The following RAD51B variants were observed in gnomAD, a reference collection of about 807,000 sequenced individuals.
RAD51B encodes RAD51 paralog B, also known as DNA repair protein RAD51 homolog 2.
In RAD51B, 38 loss-of-function variants were observed where a neutral mutation model predicts 42.2. The observed-to-expected ratio is 0.90, with a 90% CI of 0.70 to 1.18. The LOEUF (loss-of-function observed/expected upper bound fraction) is 1.18. Ranked by LOEUF, RAD51B falls within the 50% of genes most tolerant of loss-of-function variation. The probability of loss-of-function intolerance (pLI) is 0.00; values close to 1 mark genes in which losing one functional copy is unlikely to be tolerated. For missense variants in RAD51B, 373 were observed against 400.7 expected, an observed-to-expected ratio of 0.93 and a Z score of 0.59; for synonymous variants, 154 against 145.2, an observed-to-expected ratio of 1.06 and a Z score of -0.43.
rs953600354 is a variant in RAD51B at position 68,493,025 on chromosome 14, G to A, written c.1036+24775G>A. ...AGAGAATGTACATTAGCATCCCTCC[G>A]AGCTTCCCTGAAGCAGAGCTGTCTC... On this transcript the variant is annotated intron_variant, in intron 10 of 10. Coordinates refer to the RAD51B transcript ENST00000487270. Among the ~76,000 whole-genome samples, 7 of 152,132 alleles carry A rather than the reference G, an allele frequency of 4.6e-5. No individual in the cohort carries two copies. In the South Asian group the frequency reaches 8.3e-4, roughly 18 times the overall value.
Position 68,426,099 on chromosome 14 carries a change from A to G in RAD51B, c.957+14572A>G, listed in dbSNP as rs2084842664. Among the ~76,000 whole-genome samples, 4 of 132,984 alleles carry G rather than the reference A, an allele frequency of 3.0e-5. No homozygotes were observed. In the Admixed American group the frequency reaches 3.3e-4, roughly 11 times the overall value. The allele number at this position is 132,984 out of a possible 152,430, so 87.2% of individuals were successfully genotyped here. On this transcript the variant is annotated intron_variant, in intron 9 of 10. Coordinates refer to ENST00000471583, the MANE Select transcript of RAD51B (RefSeq NM_133510.4). Reference sequence around the variant, plus strand: ...TTTTTTGTTTTTGAGATGGAGTTTCACTCTTGTTGCCTGGGCTGGAGTGCA... The same window carrying G: ...TTTTTTGTTTTTGAGATGGAGTTTCGCTCTTGTTGCCTGGGCTGGAGTGCA...
At chr14:68,234,002 G>A (rs2080197264) in intron 7 of RAD51B, among the ~76,000 whole-genome samples, 1 of 152,138 alleles carries the variant, frequency 6.6e-6, no homozygotes, top group African/African-American at 2.4e-5. Context: ...AGAGAATTCT[G>A]ATGATAGTGT....
At chr14:68,346,578 G>A (rs1434566045) in intron 8 of RAD51B, among the ~76,000 whole-genome samples, 3 of 152,176 alleles carry the variant, frequency 2.0e-5, no homozygotes, top group Non-Finnish European at 4.4e-5. Context: ...TCCAGCAGTC[G>A]CACTCTGTAG....
chr14:68,342,060 T>C (rs1172216944), intron 8 of RAD51B, among the ~76,000 whole-genome samples: 1 of 152,240 alleles, frequency 6.6e-6, no homozygotes, highest in East Asian at 1.9e-4. Flanking sequence ...TAATTAGTAC[T>C]TCCTGTTTGC....
At chr14:67,848,601 A>G in intron 4 of RAD51B, among the ~76,000 whole-genome samples, 1 of 152,102 alleles carries the variant, frequency 6.6e-6, no homozygotes, top group East Asian at 1.9e-4. Context: ...TAGTAATGAC[A>G]TATGAGACTT....
At chr14:68,528,275 C>T (rs973756066) in intron 10 of RAD51B, among the ~76,000 whole-genome samples, 1 of 152,148 alleles carries the variant, frequency 6.6e-6, no homozygotes, top group South Asian at 2.1e-4. Flanking sequence ...CTTTCTTTGC[C>T]TTTTGCTGCC....
chr14:68,395,773 T>A (rs1186558630), intron 8 of RAD51B, among the ~76,000 whole-genome samples: 1 of 152,182 alleles, frequency 6.6e-6, no homozygotes, highest in Non-Finnish European at 1.5e-5. Context: ...GGGCTGGACA[T>A]CAAGGGGTGT....
chr14:68,352,796 T>C (rs2082816877), intron 8 of RAD51B, among the ~76,000 whole-genome samples: 1 of 152,218 alleles, frequency 6.6e-6, no homozygotes, highest in Non-Finnish European at 1.5e-5. Context: ...TTCTTCTAAG[T>C]CTGTGCTTGA....
intron 7 of RAD51B, among the ~76,000 whole-genome samples, chr14:68,146,466 C>T (rs575191433): frequency 2.0e-5 from 3 of 151,938 alleles, no homozygotes; most frequent in South Asian, 2.1e-4. Context: ...TTAGAATCGT[C>T]GCAGGAGGTG....
intron 8 of RAD51B, among the ~76,000 whole-genome samples, chr14:68,323,580 C>T (rs10083393): frequency 0.68 from 102,922 of 152,006 alleles, 35,103 homozygotes; most frequent in Non-Finnish European, 0.73. Flanking sequence ...TCACTTGAGG[C>T]CAGGAGTTCA....
chr14:68,131,811 T>C (rs1216513947), intron 7 of RAD51B, among the ~76,000 whole-genome samples: 3 of 152,220 alleles, frequency 2.0e-5, no homozygotes, highest in African/African-American at 7.2e-5. Context: ...AATGTTCATT[T>C]AGGAGGGAAC....
chr14:68,655,113 C>T (rs1295507750), intron 11 of RAD51B, among the ~76,000 whole-genome samples: 3 of 148,972 alleles, frequency 2.0e-5, no homozygotes, highest in African/African-American at 7.4e-5. Context: ...GTGGGTTGTG[C>T]CAGGAGGCAA....
intron 7 of RAD51B, among the ~76,000 whole-genome samples, chr14:68,284,107 T>G (rs2081372175): frequency 1.3e-5 from 2 of 152,196 alleles, no homozygotes; most frequent in South Asian, 4.1e-4. Context: ...GGCAGAGTGT[T>G]TCTCTAGCTT....
chr14:68,154,124 G>A (rs2078449480), intron 7 of RAD51B, among the ~76,000 whole-genome samples: 1 of 152,222 alleles, frequency 6.6e-6, no homozygotes, highest in African/African-American at 2.4e-5. Context: ...TGTTTTGCAT[G>A]CCTGGTTATC....
chr14:68,373,674 G>A (rs2083306162), intron 8 of RAD51B, among the ~76,000 whole-genome samples: 1 of 152,154 alleles, frequency 6.6e-6, no homozygotes, highest in East Asian at 1.9e-4. Flanking sequence ...TTCATGCAGG[G>A]CTTAAAACCT....
rs35190015 is a variant in RAD51B at position 67,884,813 on chromosome 14, C to T, written c.453-1056C>T. The stretch of plus-strand genomic sequence containing the variant: ...TTTCTTTTCAAATTGTTCAAAAATA[C>T]ACTTAAAAACAGTTGTTGAAGTTCT... On this transcript the variant is annotated intron_variant, in intron 5 of 10. Coordinates refer to ENST00000471583, the MANE Select transcript of RAD51B (RefSeq NM_133510.4). 8.9e-3 allele frequency among the ~76,000 whole-genome samples: 1,357 copies of T among 152,206 alleles called. 20 individuals carry two copies. The highest frequency in any genetic ancestry group is 0.031 in the African/African-American group (1,278 of 41,522).
intron 11 of RAD51B, chr14:68,682,847 ATTTATTGCCTTTGAGTATCTCACAAGGC>A: frequency 2.6e-6 from 2 of 767,340 alleles, no homozygotes; most frequent in Non-Finnish European, 3.1e-6. Flanking sequence ...TCTCTGAAGG[ATTTATTGCCTTTGAGTATCTCACAAGGC>A]TTTTTTTTTT....
At chr14:68,042,708 C>T (rs1281796094) in intron 7 of RAD51B, among the ~76,000 whole-genome samples, 1 of 152,114 alleles carries the variant, frequency 6.6e-6, no homozygotes, top group Non-Finnish European at 1.5e-5. Flanking sequence ...ATTTATGCTT[C>T]AGGGGTTGTC....
chr14:68,377,938 G>C (rs1212563463), intron 8 of RAD51B, among the ~76,000 whole-genome samples: 1 of 152,098 alleles, frequency 6.6e-6, no homozygotes, highest in Non-Finnish European at 1.5e-5. Context: ...AAATCATAAA[G>C]ACAATACTTT....
Sources: gnomAD v4.1 joint callset for allele counts (sites outside exome capture counted in the v4.1 genomes callset) on GRCh38, gnomAD v4.1.1 for gene constraint, MANE v1.5 for transcripts, NCBI Gene and HGNC (gene_info 2026-07-23, HGNC 2026-07-21) for gene names.